The following BSN variants were observed in gnomAD, a reference collection of about 807,000 sequenced individuals.
BSN encodes the protein protein bassoon.
In BSN, 57 loss-of-function variants were observed where a neutral mutation model predicts 264.8. The ratio of observed to expected loss-of-function variants is 0.22; its 90% CI spans 0.17 to 0.27. The LOEUF (loss-of-function observed/expected upper bound fraction) is 0.27, where lower values mean the gene tolerates loss of function less well. BSN is among the 10% of genes least tolerant of loss of function. The pLI, the probability that BSN is intolerant of heterozygous loss-of-function variation, is 1.00. For missense variants in BSN, 4,615 were observed against 5,232.5 expected (o/e 0.88, Z 3.64); for synonymous variants, 2,059 against 2,137.3 (o/e 0.96, Z 1.01).
chr3:49,597,505 T>C (rs2052033374), intron 1 of BSN, among the ~76,000 whole-genome samples: 1 of 151,348 alleles, frequency 6.6e-6, no homozygotes, highest in Admixed American at 6.6e-5. Context: ...CATTTTTAAA[T>C]TTTTTTGTAG....
intron 1 of BSN, among the ~76,000 whole-genome samples, chr3:49,579,885 A>G (rs1175868311): frequency 2.0e-5 from 3 of 152,174 alleles, no homozygotes; most frequent in Non-Finnish European, 4.4e-5. Context: ...CCATCATTCT[A>G]TTAATATGCT....
At chr3:49,564,924 AG>A (rs1466517297) in intron 1 of BSN, among the ~76,000 whole-genome samples, 1 of 151,736 alleles carries the variant, frequency 6.6e-6, no homozygotes, top group Non-Finnish European at 1.5e-5. Context: ...TTGGCTCTGT[AG>A]GGTAGGTATC....
Position 49,653,542 on chromosome 3 carries a change from C to T in BSN, c.3986C>T (p.Ser1329Leu). ...GTGTCCTTCTCTACCCCCACCTCCT[C>T]AGACAGCAGCGGGGGCCGAGTTATT... ...APVSFSTPTS[S>L]DSSGGRVIPD... The change falls in exon 5 of 12, where the codon TCA becomes TTA. Residue 1329 changes from serine to leucine, a missense_variant. By Grantham distance (145) the Ser-to-Leu change is moderately radical. This residue lies in a region of BSN where 3,415 missense variants were observed against 3,866.4 expected (regional missense o/e 0.88). Coordinates refer to ENST00000296452, the MANE Select transcript of BSN (RefSeq NM_003458.4). The surrounding 1 kb of genome is among the most constrained non-coding windows in gnomAD (Gnocchi z 6.3). 6.2e-7 allele frequency: 1 copy of T among 1,613,990 alleles called. No individual in the cohort carries two copies. Among genetic ancestry groups the T allele is most frequent in the Non-Finnish European group, 8.5e-7 (1 of 1,179,984 alleles).
intron 1 of BSN, among the ~76,000 whole-genome samples, chr3:49,562,694 CTG>C (rs1383405896): frequency 6.6e-6 from 1 of 152,190 alleles, no homozygotes; most frequent in Non-Finnish European, 1.5e-5. Flanking sequence ...CTGTGGAGAA[CTG>C]TGTCACTTCC....
Position 49,657,072 on chromosome 3 carries a change from A to G in BSN, c.7516A>G (p.Thr2506Ala). The change falls in exon 5 of 12, where the codon ACA (threonine) becomes GCA (alanine). Residue 2506 changes from threonine (T) to alanine (A), a missense_variant. Thr to Ala is a moderately conservative substitution (Grantham distance 58, BLOSUM62 0). Transcript: ENST00000296452. ...GAATGGCCAGTATTGGCCCCCCCTT[A>G]CACATGCAGCCTTCATTGCCATGGC... ...AQNGQYWPPL[T>A]HAAFIAMAGP... The G allele has an allele frequency of 6.2e-7, 1 of 1,609,438 alleles. No individual in the cohort carries two copies. The highest frequency in any genetic ancestry group is 8.5e-7 in the Non-Finnish European group (1 of 1,177,102).
intron 1 of BSN, among the ~76,000 whole-genome samples, chr3:49,605,437 A>T (rs2052108139): frequency 1.1e-4 from 3 of 28,460 alleles, no homozygotes; most frequent in Non-Finnish European, 1.7e-4. Context: ...TATAATATAT[A>T]TTATATATAT....
At chr3:49,572,388 G>A (rs990606519) in intron 1 of BSN, among the ~76,000 whole-genome samples, 9 of 152,144 alleles carry the variant, frequency 5.9e-5, no homozygotes, top group Non-Finnish European at 1.3e-4. Context: ...ACATTTAGGG[G>A]AAAATATCAC....
At position 49,651,948 on chromosome 3, in the gene BSN, G is replaced by C; in HGVS notation, c.2392G>C (p.Asp798His). 1.2e-6 allele frequency: 2 copies of C among 1,613,508 alleles called. No individual in the cohort carries two copies. The highest frequency in any genetic ancestry group is 2.2e-5 in the South Asian group (2 of 91,050). ...AEWRRRREQQ[D>H]TAESSDDFGS... ...GTGGAGGCGCCGGAGAGAGCAGCAG[G>C]ACACTGCCGAGTCCTCAGACGACTT... is the stretch of plus-strand genomic sequence containing the variant. The change falls in exon 5 of 12, where the codon GAC becomes CAC. Residue 798 changes from aspartate to histidine, a missense_variant. Asp to His is a moderately conservative substitution (Grantham distance 81). Coordinates refer to ENST00000296452, the MANE Select transcript of BSN (RefSeq NM_003458.4). This position sits in a 1 kb window ranked among gnomAD's most constrained non-coding sequence, Gnocchi z 5.4.
intron 1 of BSN, among the ~76,000 whole-genome samples, chr3:49,582,005 A>G (rs953023617): frequency 1.3e-5 from 2 of 152,130 alleles, no homozygotes; most frequent in African/African-American, 2.4e-5. Flanking sequence ...CTGGATATAA[A>G]CCTAAGAGTG....
At chr3:49,557,944 G>A (rs2051686984) in intron 1 of BSN, among the ~76,000 whole-genome samples, 1 of 152,200 alleles carries the variant, frequency 6.6e-6, no homozygotes. Context: ...TCAAGAGCAA[G>A]CACAGTTATT....
At chr3:49,600,693 G>A (rs1440630740) in intron 1 of BSN, among the ~76,000 whole-genome samples, 1 of 152,140 alleles carries the variant, frequency 6.6e-6, no homozygotes, top group Non-Finnish European at 1.5e-5. Flanking sequence ...AATCTCAGCT[G>A]CTCTGTAGGC....
intron 1 of BSN, among the ~76,000 whole-genome samples, chr3:49,597,618 A>G (rs1172508256): frequency 6.6e-6 from 1 of 152,196 alleles, no homozygotes; most frequent in Non-Finnish European, 1.5e-5. Flanking sequence ...GACATGAGCC[A>G]CTGCACTTGG....
intron 1 of BSN, among the ~76,000 whole-genome samples, chr3:49,604,810 C>G (rs142925108): frequency 1.4e-3 from 212 of 152,092 alleles, no homozygotes; most frequent in African/African-American, 4.9e-3. Flanking sequence ...TCCCCCACCC[C>G]TCCCCATATT....
intron 2 of BSN, among the ~76,000 whole-genome samples, chr3:49,635,459 GAAC>G (rs1489458955): frequency 1.3e-5 from 2 of 152,060 alleles, no homozygotes; most frequent in Non-Finnish European, 2.9e-5. Context: ...GAGCAAAACA[GAAC>G]AACCAGGTTG....
intron 1 of BSN, among the ~76,000 whole-genome samples, chr3:49,607,554 ACACT>A (rs921335136): frequency 5.3e-5 from 8 of 152,212 alleles, no homozygotes; most frequent in African/African-American, 1.7e-4. Context: ...GTGCATGTGC[ACACT>A]CACGTGTGAG....
rs201775455 is a variant in BSN, at chr3:49,642,961, G to C, written c.1327G>C (p.Ala443Pro). Residue 443 changes from alanine to proline, a missense_variant, in exon 3 of 12, where the codon GCA (alanine) becomes CCA (proline). Physicochemically the swap from Ala to Pro is conservative, Grantham distance 27. Transcript: ENST00000296452. The surrounding 1 kb of genome is among the most constrained non-coding windows in gnomAD (Gnocchi z 7.0). ...AACAACCAGTCCAAAGCATGGCAGA[G>C]CAGAACATCAGGCAGCATCGAAGGC... is the stretch of plus-strand genomic sequence containing the variant. ...GGTTSPKHGRAEHQAASKAAA... is the reference protein window; with the variant it reads ...GGTTSPKHGRPEHQAASKAAA... 140 of 1,614,008 alleles carry C rather than the reference G, an allele frequency of 8.7e-5. No homozygotes were observed. The highest frequency in any genetic ancestry group is 1.1e-4 in the Non-Finnish European group (134 of 1,180,050).
chr3:49,613,829 T>C (rs555188353), intron 1 of BSN, among the ~76,000 whole-genome samples: 71 of 152,136 alleles, frequency 4.7e-4, no homozygotes, highest in African/African-American at 1.6e-3. Context: ...GTAAAGGTCA[T>C]GAAGATGCGT....
rs1057068022 is a variant in BSN at position 49,656,566 on chromosome 3, C to T, written c.7010C>T (p.Pro2337Leu). 1.3e-6 allele frequency: 2 copies of T among 1,575,324 alleles called. No individual in the cohort carries two copies. Among genetic ancestry groups the T allele is most frequent in the African/African-American group, 2.7e-5 (2 of 73,506 alleles). ...GCCCCACTAGCTGGCCAGAAGCCAC[C>T]AGCAGATGCTGCTCCTGGGGGTGGC... is the stretch of plus-strand genomic sequence containing the variant. Reference protein sequence around the residue: ...APAPLAGQKPPADAAPGGGSG... With the variant: ...APAPLAGQKPLADAAPGGGSG... The change falls in exon 5 of 12, where the codon CCA becomes CTA. Residue 2337 changes from proline to leucine, a missense_variant. Transcript: ENST00000296452.
rs767335775 is a variant in BSN at position 49,625,345 on chromosome 3, A to C, written c.595A>C (p.Asn199His). The C allele has an allele frequency of 7.1e-6, 11 of 1,556,232 alleles. No individual in the cohort carries two copies. The highest frequency in any genetic ancestry group is 8.7e-6 in the Non-Finnish European group (10 of 1,153,672). Residue 199 changes from asparagine to histidine, a missense_variant, in exon 2 of 12, where the codon AAC (asparagine) becomes CAC (histidine). Physicochemically the swap from Asn to His is moderately conservative, Grantham distance 68. Around this residue, in one of 3 missense-constraint regions of BSN, gnomAD observed 1,197 missense variants for 1,348.0 expected, o/e 0.89. Coordinates refer to ENST00000296452, the MANE Select transcript of BSN (RefSeq NM_003458.4). This position sits in a 1 kb window ranked among gnomAD's most constrained non-coding sequence, Gnocchi z 4.4. ...TCTQCHNKVC[N>H]QCGFNPNPHL... ...CACCCAGTGTCACAACAAGGTCTGC[A>C]ACCAGTGTGGGTTCAACCCCAACCC...
Sources: gnomAD v4.1 joint callset for allele counts (sites outside exome capture counted in the v4.1 genomes callset) on GRCh38, gnomAD v4.1.1 for gene constraint, gnomAD v4.1.1 regional missense constraint, Gnocchi (gnomAD v3.1) non-coding constraint, MANE v1.5 for transcripts, NCBI Gene and HGNC (gene_info 2026-07-23, HGNC 2026-07-21) for gene names.